The following FAF1 variants were observed in gnomAD, a reference collection of about 807,000 sequenced individuals.
The protein encoded by FAF1 is Fas associated factor 1.
A neutral mutation model predicts 92.5 loss-of-function variants in FAF1; 25 were observed. The ratio of observed to expected loss-of-function variants is 0.27; its 90% confidence interval spans 0.20 to 0.38. FAF1 has a LOEUF of 0.38. FAF1 is among the 10% of genes least tolerant of loss of function. The probability of loss-of-function intolerance (pLI) is 1.00; values close to 1 mark genes in which losing one functional copy is unlikely to be tolerated. For missense variants in FAF1, 636 were observed against 793.3 expected (o/e 0.80, Z 2.38); for synonymous variants, 234 against 273.2 (o/e 0.86, Z 1.42).
chr1:50,639,191 T>A (rs762455997), intron 8 of FAF1, among the ~76,000 whole-genome samples: 1 of 152,238 alleles, frequency 6.6e-6, no homozygotes, highest in Non-Finnish European at 1.5e-5. Context: ...TGCTTATCAT[T>A]CACTAGTTGA....
intron 15 of FAF1, among the ~76,000 whole-genome samples, chr1:50,521,558 A>T (rs1168993414): frequency 6.6e-6 from 1 of 152,212 alleles, no homozygotes; most frequent in Non-Finnish European, 1.5e-5. Context: ...CTACTTTTTA[A>T]ATGTTACATA....
At chr1:50,601,696 T>C (rs1178179297) in intron 8 of FAF1, among the ~76,000 whole-genome samples, 1 of 149,760 alleles carries the variant, frequency 6.7e-6, no homozygotes, top group Non-Finnish European at 1.5e-5. Flanking sequence ...TATATTCATA[T>C]ATATATATAT....
intron 3 of FAF1, among the ~76,000 whole-genome samples, chr1:50,799,811 T>G (rs999761044): frequency 6.6e-6 from 1 of 152,202 alleles, no homozygotes; most frequent in African/African-American, 2.4e-5. Context: ...TCCTTTTAAC[T>G]GCCTGCATAT....
At chr1:50,810,448 T>C (rs1643894432) in intron 2 of FAF1, among the ~76,000 whole-genome samples, 1 of 152,000 alleles carries the variant, frequency 6.6e-6, no homozygotes, top group Non-Finnish European at 1.5e-5. Context: ...TACAAACCCA[T>C]CTATGACAAA....
At chr1:50,607,149 T>C (rs1652466857) in intron 8 of FAF1, among the ~76,000 whole-genome samples, 1 of 152,146 alleles carries the variant, frequency 6.6e-6, no homozygotes, top group Non-Finnish European at 1.5e-5. Context: ...GTTGCCACCA[T>C]TAAAGCAAAG....
intron 2 of FAF1, among the ~76,000 whole-genome samples, chr1:50,829,768 G>A (rs894188943): frequency 3.3e-5 from 5 of 152,178 alleles, no homozygotes; most frequent in Non-Finnish European, 7.3e-5. Context: ...CTGTAACTGA[G>A]TTGCCAATTA....
intron 1 of FAF1, among the ~76,000 whole-genome samples, chr1:50,870,513 T>C (rs983817814): frequency 2.0e-5 from 3 of 152,226 alleles, no homozygotes; most frequent in Non-Finnish European, 2.9e-5. Flanking sequence ...ATCGAGCAAG[T>C]CCATCAGAAC....
intron 18 of FAF1, among the ~76,000 whole-genome samples, chr1:50,464,864 A>G (rs1433981420): frequency 6.6e-6 from 1 of 152,232 alleles, no homozygotes; most frequent in African/African-American, 2.4e-5. Context: ...AAGTGCCAGC[A>G]TTAGAACAAA....
intron 8 of FAF1, among the ~76,000 whole-genome samples, chr1:50,602,991 T>C (rs569243344): frequency 1.2e-4 from 19 of 152,296 alleles, no homozygotes; most frequent in African/African-American, 4.6e-4. Flanking sequence ...ATCCCCACTT[T>C]AGAGATGAGG....
At chr1:50,929,141 A>T (rs1489498536) in intron 1 of FAF1, among the ~76,000 whole-genome samples, 2 of 151,690 alleles carry the variant, frequency 1.3e-5, no homozygotes, top group African/African-American at 4.8e-5. Context: ...TCTTTTTTTA[A>T]TCAAAATAAA....
At chr1:50,909,433 T>C (rs1202531267) in intron 1 of FAF1, among the ~76,000 whole-genome samples, 1 of 152,228 alleles carries the variant, frequency 6.6e-6, no homozygotes, top group Non-Finnish European at 1.5e-5. Flanking sequence ...CCTTGCTAGG[T>C]TGGGGAAGTT....
intron 15 of FAF1, among the ~76,000 whole-genome samples, chr1:50,516,722 C>G (rs990707549): frequency 6.6e-6 from 1 of 152,172 alleles, no homozygotes; most frequent in East Asian, 1.9e-4. Context: ...AAAGTGAAAT[C>G]CTGTAGTTCA....
At chr1:50,576,733 T>C (rs1650761105) in intron 12 of FAF1, among the ~76,000 whole-genome samples, 1 of 151,392 alleles carries the variant, frequency 6.6e-6, no homozygotes, top group Admixed American at 6.6e-5. Flanking sequence ...GGCTAGACCT[T>C]CTGGGCTCAA....
intron 1 of FAF1, among the ~76,000 whole-genome samples, chr1:50,941,333 C>T (rs575578239): frequency 2.6e-5 from 4 of 152,220 alleles, no homozygotes; most frequent in Admixed American, 2.6e-4. Flanking sequence ...TCTCAGCCTC[C>T]CGAGTAGCTG....
intron 9 of FAF1, among the ~76,000 whole-genome samples, chr1:50,593,148 C>T (rs1651609022): frequency 6.6e-6 from 1 of 151,972 alleles, no homozygotes; most frequent in African/African-American, 2.4e-5. Context: ...TATTATTATT[C>T]AGTAATAATA....
At chr1:50,599,949 A>C (rs1249220977) in intron 8 of FAF1, among the ~76,000 whole-genome samples, 3 of 152,206 alleles carry the variant, frequency 2.0e-5, no homozygotes, top group Admixed American at 2.0e-4. Flanking sequence ...CTAAAAATCC[A>C]AAATCTGAAA....
chr1:50,662,683 C>CTTTT (rs58193277), intron 7 of FAF1, among the ~76,000 whole-genome samples: 9 of 77,596 alleles, frequency 1.2e-4, no homozygotes, highest in Non-Finnish European at 1.4e-4. Context: ...GAATTTGTAT[C>CTTTT]TTTTTTTTTT....
chr1:50,942,292 G>C (rs1293461012), intron 1 of FAF1, among the ~76,000 whole-genome samples: 3 of 152,154 alleles, frequency 2.0e-5, no homozygotes, highest in Non-Finnish European at 2.9e-5. Context: ...CTTGAGCCCG[G>C]GAGTTTGAGA....
chr1:50,544,820 A>G (rs1648933438), intron 13 of FAF1, among the ~76,000 whole-genome samples: 1 of 152,178 alleles, frequency 6.6e-6, no homozygotes, highest in Non-Finnish European at 1.5e-5. Context: ...TCAAAGACTC[A>G]AAAGAGGTGA....
Sources: gnomAD v4.1 joint callset for allele counts (sites outside exome capture counted in the v4.1 genomes callset) on GRCh38, gnomAD v4.1.1 for gene constraint, MANE v1.5 for transcripts, NCBI Gene and HGNC (gene_info 2026-07-23, HGNC 2026-07-21) for gene names.